ACOT12: variants seen among roughly 807,000 people sequenced by gnomAD.
ACOT12 encodes acyl-CoA thioesterase 12.
A neutral mutation model predicts 67.7 loss-of-function variants in ACOT12; 51 were observed. The ratio of observed to expected loss-of-function variants is 0.75; its 90% CI spans 0.60 to 0.95. The LOEUF (loss-of-function observed/expected upper bound fraction) is 0.95, where lower values mean the gene tolerates loss of function less well. Ranked by LOEUF, ACOT12 falls within the 40% of genes least tolerant of loss-of-function variation. The probability of loss-of-function intolerance (pLI) is 0.00; values close to 1 mark genes in which losing one functional copy is unlikely to be tolerated. For synonymous variants in ACOT12, 251 were observed against 244.6 expected (o/e 1.03, Z -0.24); for missense variants, 734 against 708.1 (o/e 1.04, Z -0.41).
In ACOT12 at chr5:81,330,882, G is replaced by A. The variant is rs1197174637; in HGVS notation, c.1450C>T (p.Gln484Ter). ...VILPSVPPSP[Q>*]YIRSEIICAG... The stretch of plus-strand genomic sequence containing the variant: ...CATATGATTTCACTTCTGATGTACT[G>A]TGGAGACGGGGGGACCGATGGCAAA... The change falls in exon 14 of 15, where the codon CAG (glutamine) becomes TAG (stop). Residue 484 changes from glutamine (Q) to a stop codon, truncating the protein, a stop_gained. Coordinates refer to ENST00000307624, the MANE Select transcript of ACOT12 (RefSeq NM_130767.3). LOFTEE classifies it high-confidence loss of function. The A allele has an allele frequency of 6.2e-7, 1 of 1,613,774 alleles. No individual in the cohort carries two copies. The highest frequency in any genetic ancestry group is 2.2e-5 in the East Asian group (1 of 44,886).
intron 11 of ACOT12, among the ~76,000 whole-genome samples, chr5:81,339,801 G>A (rs1024396624): frequency 3.3e-5 from 5 of 152,074 alleles, no homozygotes; most frequent in Non-Finnish European, 7.4e-5. Context: ...AACATGAAAC[G>A]AATTAAAACC....
At chr5:81,309,003 C>T in the ACOT12 span, 6 of 1,613,080 alleles carry the variant, frequency 3.7e-6, no homozygotes, top group Non-Finnish European at 5.1e-6. Context: ...CTGTCTAGAT[C>T]TTGTCCTGAT....
rs1759235204 is a variant in ACOT12 at position 81,342,672 on chromosome 5, C to A, written c.1128G>T (p.Lys376Asn). The change falls in exon 11 of 15, where the codon AAG becomes AAT. Residue 376 changes from lysine (K) to asparagine (N), a missense_variant and splice_region_variant. Coordinates refer to ENST00000307624, the MANE Select transcript of ACOT12 (RefSeq NM_130767.3). ...ATGCAAATACCTGGAAGTGTCCTACCTTTTCCACAGTGCTGGTAACCTCCC... is the reference window on the plus strand; with the variant it reads ...ATGCAAATACCTGGAAGTGTCCTACATTTTCCACAGTGCTGGTAACCTCCC... ...RGWEVTSTVE[K>N]IKIYTLEEHD... is the part of the protein sequence containing the mutation. The A allele has an allele frequency of 3.1e-6, 5 of 1,614,006 alleles. No individual in the cohort carries two copies. Among genetic ancestry groups the A allele is most frequent in the African/African-American group, 1.3e-5 (1 of 74,920 alleles).
intron 5 of ACOT12, among the ~76,000 whole-genome samples, chr5:81,350,825 G>T (rs1014958564): frequency 6.6e-6 from 1 of 152,070 alleles, no homozygotes; most frequent in Non-Finnish European, 1.5e-5. Flanking sequence ...AATTTTTCTG[G>T]TTGACTCACT....
Position 81,332,591 on chromosome 5 carries a change from A to G in ACOT12, c.1277T>C (p.Ile426Thr). ...CTGATCATCTTCACTCACCCAGTCT[A>G]TGACTTCACAGGACCTGTGTATATA... Reference protein sequence around the residue: ...WDPHFVSCEVIDWVSEDDQLY... With the variant: ...WDPHFVSCEVTDWVSEDDQLY... Residue 426 changes from isoleucine to threonine, a missense_variant, in exon 13 of 15, where the codon ATA (isoleucine) becomes ACA (threonine). Ile to Thr is a moderately conservative substitution (Grantham distance 89, BLOSUM62 -1). Coordinates refer to ENST00000307624, the MANE Select transcript of ACOT12 (RefSeq NM_130767.3). 5 of 1,614,042 alleles carry G rather than the reference A, an allele frequency of 3.1e-6. No homozygotes were observed. The highest frequency in any genetic ancestry group is 4.2e-6 in the Non-Finnish European group (5 of 1,179,984).
At chr5:81,364,203 T>C (rs1224073542) in intron 3 of ACOT12, among the ~76,000 whole-genome samples, 1 of 151,156 alleles carries the variant, frequency 6.6e-6, no homozygotes, top group Non-Finnish European at 1.5e-5. Flanking sequence ...CTTCTAGCTT[T>C]TTCTATATAT....
At chr5:81,379,424 A>G (rs1466665932) in intron 2 of ACOT12, among the ~76,000 whole-genome samples, 2 of 152,102 alleles carry the variant, frequency 1.3e-5, no homozygotes, top group Non-Finnish European at 2.9e-5. Context: ...GCACGTGTAT[A>G]CCTATGTAAC....
chr5:81,384,942 C>T (rs915444916), intron 2 of ACOT12, among the ~76,000 whole-genome samples: 2 of 152,102 alleles, frequency 1.3e-5, no homozygotes, highest in African/African-American at 4.8e-5. Context: ...TCTCAATTAC[C>T]AACCTAAATA....
rs1760416303 is a variant in ACOT12, at chr5:81,376,466, A to C, written c.198-4656T>G. ...AGAGCAAAAAAATTCAAAAGCAAGC[A>C]GAAGACAATAAATAACTAAGATCAG... On this transcript the variant is annotated intron_variant, in intron 2 of 14. Coordinates refer to ENST00000307624, the MANE Select transcript of ACOT12 (RefSeq NM_130767.3). Among the ~76,000 whole-genome samples the C allele has an allele frequency of 2.7e-5, 4 of 150,088 alleles. No homozygotes were observed. In the South Asian group the frequency reaches 8.3e-4, roughly 31 times the overall value.
intron 1 of ACOT12, 94 bp from the exon 2 acceptor site, chr5:81,385,920 A>G: frequency 8.5e-7 from 1 of 1,169,986 alleles, no homozygotes; most frequent in Non-Finnish European, 1.2e-6. Flanking sequence ...CATTGATTTT[A>G]GTCACCCATC....
At chr5:81,388,056 G>A (rs374395048) in intron 1 of ACOT12, among the ~76,000 whole-genome samples, 2 of 152,038 alleles carry the variant, frequency 1.3e-5, no homozygotes, top group East Asian at 1.9e-4. Flanking sequence ...TAAGCATGTC[G>A]ATTACATGAA....
chr5:81,323,415 CT>C, the ACOT12 span, among the ~76,000 whole-genome samples: 1 of 152,208 alleles, frequency 6.6e-6, no homozygotes, highest in South Asian at 2.1e-4. Context: ...TCTCTCTTCC[CT>C]TTCCTGGGAC....
intron 5 of ACOT12, among the ~76,000 whole-genome samples, chr5:81,359,441 C>T (rs1040155671): frequency 2.0e-5 from 3 of 152,210 alleles, no homozygotes; most frequent in Non-Finnish European, 2.9e-5. Flanking sequence ...GGAGCAGGAT[C>T]TTAAGTCTCT....
intron 6 of ACOT12, among the ~76,000 whole-genome samples, chr5:81,347,054 A>G (rs1385013962): frequency 2.0e-5 from 3 of 152,062 alleles, no homozygotes. Flanking sequence ...TTCTTTGGCC[A>G]TAATTATTTT....
chr5:81,382,002 C>A (rs947747557), intron 2 of ACOT12, among the ~76,000 whole-genome samples: 1 of 152,046 alleles, frequency 6.6e-6, no homozygotes, highest in Non-Finnish European at 1.5e-5. Flanking sequence ...AATATTGGTA[C>A]TGTTATTCTG....
At chr5:81,362,881 C>T (rs1160356513) in intron 4 of ACOT12, among the ~76,000 whole-genome samples, 1 of 152,112 alleles carries the variant, frequency 6.6e-6, no homozygotes, top group Non-Finnish European at 1.5e-5. Flanking sequence ...CACCCTTGGG[C>T]AATATGAATT....
chr5:81,337,386 C>T (rs1376595690), intron 11 of ACOT12, among the ~76,000 whole-genome samples: 1 of 152,180 alleles, frequency 6.6e-6, no homozygotes, highest in African/African-American at 2.4e-5. Flanking sequence ...TTTCTCTACC[C>T]TTCCACCCCC....
chr5:81,346,476 C>T (rs1759385097), intron 6 of ACOT12, among the ~76,000 whole-genome samples: 1 of 152,204 alleles, frequency 6.6e-6, no homozygotes, highest in Non-Finnish European at 1.5e-5. Context: ...AGAAAAATTA[C>T]CTGGATTGCT....
chr5:81,364,605 T>C (rs1461774811), intron 3 of ACOT12, among the ~76,000 whole-genome samples: 1 of 152,066 alleles, frequency 6.6e-6, no homozygotes, highest in African/African-American at 2.4e-5. Context: ...TTTTTTGTAT[T>C]TTTAGTACAG....
Sources: gnomAD v4.1 joint callset for allele counts (sites outside exome capture counted in the v4.1 genomes callset) on GRCh38, gnomAD v4.1.1 for gene constraint, MANE v1.5 for transcripts, NCBI Gene and HGNC (gene_info 2026-07-23, HGNC 2026-07-21) for gene names.